Variants in PRKCB observed in about 807,000 individuals in gnomAD.
The protein encoded by PRKCB is protein kinase C beta type.
Under a neutral mutation model 81.5 loss-of-function variants are expected in PRKCB, and 13 were observed. The ratio of observed to expected loss-of-function variants is 0.16; its 90% CI spans 0.10 to 0.25. PRKCB has a LOEUF of 0.25. PRKCB is among the 10% of genes least tolerant of loss of function. The pLI, the probability that PRKCB is intolerant of heterozygous loss-of-function variation, is 1.00. For missense variants in PRKCB, 509 were observed against 875.7 expected (o/e 0.58, Z 5.29); for synonymous variants, 335 against 321.4 (o/e 1.04, Z -0.45).
chr16:23,842,508 G>A (rs568341936), intron 2 of PRKCB, among the ~76,000 whole-genome samples: 52 of 152,190 alleles, frequency 3.4e-4, no homozygotes, highest in Non-Finnish European at 5.9e-4. Context: ...TGGGTATTGG[G>A]TAACACCAGT....
intron 5 of PRKCB, among the ~76,000 whole-genome samples, chr16:24,057,207 G>A (rs190319429): frequency 3.6e-4 from 55 of 152,288 alleles, no homozygotes; most frequent in Admixed American, 2.7e-3. Context: ...GAATGGGAAG[G>A]GCCAACAGTG....
chr16:24,211,398 A>C (rs1968135889), intron 16 of PRKCB, among the ~76,000 whole-genome samples: 1 of 152,146 alleles, frequency 6.6e-6, no homozygotes, highest in African/African-American at 2.4e-5. Context: ...TGTTACTTGC[A>C]TTCTCTCATT....
intron 2 of PRKCB, among the ~76,000 whole-genome samples, chr16:23,982,509 T>C: frequency 6.6e-6 from 1 of 151,690 alleles, no homozygotes; most frequent in Admixed American, 6.6e-5. Context: ...CAGCCTTGAT[T>C]TCCCAGCCTC....
intron 3 of PRKCB, among the ~76,000 whole-genome samples, chr16:23,995,959 ATCT>A (rs1320878823): frequency 6.6e-6 from 1 of 151,924 alleles, no homozygotes; most frequent in African/African-American, 2.4e-5. Flanking sequence ...GTGAAGGGAA[ATCT>A]TCTCGGTGGG....
intron 7 of PRKCB, among the ~76,000 whole-genome samples, chr16:24,102,531 C>T (rs111279406): frequency 2.6e-5 from 4 of 152,260 alleles, no homozygotes; most frequent in Non-Finnish European, 5.9e-5. Flanking sequence ...AATTGAAGAC[C>T]GTGTGGCAGA....
At chr16:24,141,627 G>A (rs986492026) in intron 9 of PRKCB, among the ~76,000 whole-genome samples, 1 of 152,196 alleles carries the variant, frequency 6.6e-6, no homozygotes, top group Non-Finnish European at 1.5e-5. Context: ...CCGCATGCTA[G>A]AAAAGATGAG....
chr16:23,856,634 C>T (rs991455311), intron 2 of PRKCB, among the ~76,000 whole-genome samples: 1 of 152,012 alleles, frequency 6.6e-6, no homozygotes, highest in Non-Finnish European at 1.5e-5. Flanking sequence ...AGAGATCCTC[C>T]CACCTCATTC....
rs1487248624 is a variant in PRKCB, at chr16:23,959,047, G to A, written c.206-29461G>A. ...TGTATATAATGATAGTACCTACCACGCATGGTTGTTAGGAAGATTAAATCA... is the reference window on the plus strand; with the variant it reads ...TGTATATAATGATAGTACCTACCACACATGGTTGTTAGGAAGATTAAATCA... On this transcript the variant is annotated intron_variant, in intron 2 of 16. Coordinates refer to ENST00000643927, the MANE Select transcript of PRKCB (RefSeq NM_002738.7). 2.6e-5 allele frequency among the ~76,000 whole-genome samples: 4 copies of A among 152,172 alleles called. No homozygotes were observed. In the East Asian group the frequency reaches 5.8e-4, roughly 22 times the overall value.
chr16:24,207,754 G>A (rs1968069447), intron 16 of PRKCB, among the ~76,000 whole-genome samples: 1 of 152,186 alleles, frequency 6.6e-6, no homozygotes, highest in South Asian at 2.1e-4. Flanking sequence ...GGACAGGTCA[G>A]GGAAAACCTC....
chr16:23,875,441 G>A (rs1962978859), intron 2 of PRKCB, among the ~76,000 whole-genome samples: 1 of 148,992 alleles, frequency 6.7e-6, no homozygotes, highest in Admixed American at 6.8e-5. Context: ...TCCAAGGATT[G>A]AATTTCCCTT....
intron 5 of PRKCB, among the ~76,000 whole-genome samples, chr16:24,088,997 G>A (rs538310881): frequency 6.6e-6 from 1 of 152,260 alleles, no homozygotes; most frequent in East Asian, 1.9e-4. Flanking sequence ...GCGCATCTGA[G>A]TGTCTCAATC....
intron 2 of PRKCB, among the ~76,000 whole-genome samples, chr16:23,982,190 TCTTCCCTTCCC>T (rs1964742588): frequency 1.9e-4 from 1 of 5,228 alleles, no homozygotes; most frequent in Admixed American, 2.1e-3. Flanking sequence ...TTTCCCTTCC[TCTTCCCTTCCC>T]CTTCCCTTCC....
intron 5 of PRKCB, among the ~76,000 whole-genome samples, chr16:24,054,467 A>G (rs750984962): frequency 6.6e-5 from 10 of 152,256 alleles, no homozygotes; most frequent in Non-Finnish European, 8.8e-5. Flanking sequence ...CCAGATTCAT[A>G]TAGCTGATAA....
At chr16:23,983,175 G>A (rs988976601) in intron 2 of PRKCB, among the ~76,000 whole-genome samples, 3 of 151,610 alleles carry the variant, frequency 2.0e-5, no homozygotes, top group African/African-American at 4.8e-5. Flanking sequence ...ATAGAAATGA[G>A]GGGGCGTTTA....
intron 2 of PRKCB, among the ~76,000 whole-genome samples, chr16:23,973,159 T>G (rs1964580824): frequency 6.6e-6 from 1 of 151,434 alleles, no homozygotes; most frequent in Admixed American, 6.6e-5. Context: ...TATTTAATCC[T>G]CAGTGAAATG....
chr16:23,970,319 A>T (rs1964540451), intron 2 of PRKCB, among the ~76,000 whole-genome samples: 2 of 152,192 alleles, frequency 1.3e-5, no homozygotes, highest in Non-Finnish European at 2.9e-5. Flanking sequence ...GCGGAAGATG[A>T]TGCAGCCAGT....
chr16:24,032,293 A>G (rs2141854885), intron 4 of PRKCB, 46 bp downstream of exon 4: 2 of 1,387,828 alleles, frequency 1.4e-6, no homozygotes, highest in East Asian at 4.6e-5. Context: ...GGCAGAAGCA[A>G]TGGGAAGGGC....
chr16:24,117,068 T>C (rs1400945797), intron 8 of PRKCB, among the ~76,000 whole-genome samples: 2 of 152,182 alleles, frequency 1.3e-5, no homozygotes, highest in African/African-American at 4.8e-5. Context: ...ATACTGTACT[T>C]GTTGATTTAA....
intron 9 of PRKCB, among the ~76,000 whole-genome samples, chr16:24,147,516 G>A (rs949467821): frequency 5.3e-5 from 8 of 152,054 alleles, no homozygotes; most frequent in South Asian, 2.1e-4. Context: ...AGCTCATCTC[G>A]CCAAGCAAAT....
Sources: gnomAD v4.1 joint callset for allele counts (sites outside exome capture counted in the v4.1 genomes callset) on GRCh38, gnomAD v4.1.1 for gene constraint, MANE v1.5 for transcripts, NCBI Gene and HGNC (gene_info 2026-07-23, HGNC 2026-07-21) for gene names.